The following KLRD1 variants were observed in gnomAD, a reference collection of about 807,000 sequenced individuals.
KLRD1 encodes the protein natural killer cells antigen CD94.
KLRD1 carries 21 observed loss-of-function variants against 22.6 expected under a neutral mutation model. The observed-to-expected ratio is 0.93, with a 90% CI of 0.66 to 1.34. The LOEUF (loss-of-function observed/expected upper bound fraction) is 1.34, where lower values mean the gene tolerates loss of function less well. Ranked by LOEUF, KLRD1 falls within the 40% of genes most tolerant of loss-of-function variation. The pLI is 0.00. For synonymous variants in KLRD1, 59 were observed against 71.1 expected, an observed-to-expected ratio of 0.83 and a Z score of 0.85; for missense variants, 183 against 208.6, an observed-to-expected ratio of 0.88 and a Z score of 0.76.
chr12:10,271,599 C>G (rs570531325), intron 1 of KLRD1, among the ~76,000 whole-genome samples: 1 of 152,026 alleles, frequency 6.6e-6, no homozygotes, highest in South Asian at 2.1e-4. Context: ...GTTATTTTTC[C>G]GTTCTGGATA....
At chr12:10,270,927 G>A (rs1006600604) in intron 1 of KLRD1, among the ~76,000 whole-genome samples, 2 of 151,956 alleles carry the variant, frequency 1.3e-5, no homozygotes, top group East Asian at 3.9e-4. Flanking sequence ...GAGATTACAG[G>A]TGCATACCAC....
chr12:10,290,049 T>C (rs1949752527), intron 1 of KLRD1, among the ~76,000 whole-genome samples: 1 of 152,224 alleles, frequency 6.6e-6, no homozygotes, highest in Non-Finnish European at 1.5e-5. Flanking sequence ...AGTGCTGGGA[T>C]TACAGGCGTG....
chr12:10,306,428 TAG>T (rs1249391966), upstream of KLRD1, among the ~76,000 whole-genome samples: 2 of 152,156 alleles, frequency 1.3e-5, no homozygotes, highest in Non-Finnish European at 2.9e-5. Context: ...TCTAAAAACT[TAG>T]AACCTCTAAC....
At chr12:10,239,550 T>TCTTG (rs1949220714) in intron 1 of KLRD1, among the ~76,000 whole-genome samples, 1 of 127,824 alleles carries the variant, frequency 7.8e-6, no homozygotes, top group African/African-American at 4.2e-5. Context: ...TTTCTTTCTT[T>TCTTG]CTTTCTTTCT....
At chr12:10,250,465 T>C (rs1949335992) in intron 1 of KLRD1, among the ~76,000 whole-genome samples, 1 of 152,048 alleles carries the variant, frequency 6.6e-6, no homozygotes, top group African/African-American at 2.4e-5. Context: ...TTCTTTTCTT[T>C]TCTTTTTTTG....
intron 5 of KLRD1, 97 bp downstream of exon 5, chr12:10,313,610 A>T (rs908236422): frequency 6.4e-6 from 4 of 627,370 alleles, no homozygotes; most frequent in Non-Finnish European, 5.5e-6. Flanking sequence ...TGGCTGAAAT[A>T]ACCTTGTCTA....
At chr12:10,251,646 G>A (rs774249470) in intron 1 of KLRD1, among the ~76,000 whole-genome samples, 37 of 151,782 alleles carry the variant, frequency 2.4e-4, no homozygotes, top group South Asian at 1.0e-3. Flanking sequence ...ACAACTCACC[G>A]TAATGTAGAA....
chr12:10,283,843 T>C (rs1002784149), intron 1 of KLRD1, among the ~76,000 whole-genome samples: 1 of 152,034 alleles, frequency 6.6e-6, no homozygotes, highest in Non-Finnish European at 1.5e-5. Context: ...CATAGAACCA[T>C]TATATTTTGG....
intron 1 of KLRD1, among the ~76,000 whole-genome samples, chr12:10,286,621 CA>C (rs1304161558): frequency 7.6e-6 from 1 of 131,054 alleles, no homozygotes; most frequent in African/African-American, 2.8e-5. Context: ...GTTTTGAATG[CA>C]AAATAGTCTT....
intron 1 of KLRD1, among the ~76,000 whole-genome samples, chr12:10,264,600 A>G (rs923812891): frequency 2.0e-5 from 3 of 151,968 alleles, no homozygotes; most frequent in South Asian, 2.1e-4. Flanking sequence ...AGGGTGTACA[A>G]TGTGGTATTT....
At position 10,268,292 on chromosome 12, in the gene KLRD1, A is replaced by G. The variant is rs556231603; in HGVS notation, c.-100-39686A>G. Among the ~76,000 whole-genome samples, 131 of 152,344 alleles carry G rather than the reference A, an allele frequency of 8.6e-4. 1 individual carries two copies. The highest frequency in any genetic ancestry group is 3.1e-3 in the African/African-American group (128 of 41,578). ...CGTCACCTCACTAGACATTCGGTCA[A>G]CAGATGCAGGGTAAGTTAACAGTAT... On this transcript the variant is annotated intron_variant, in intron 1 of 5. Transcript: ENST00000544747.
chr12:10,311,282 T>C (rs1323889807), intron 3 of KLRD1, among the ~76,000 whole-genome samples, 182 bp from the exon 4 acceptor site: 2 of 152,222 alleles, frequency 1.3e-5, no homozygotes, highest in Non-Finnish European at 2.9e-5. Flanking sequence ...ATAATCTCCA[T>C]GAGGAAAAAG....
At chr12:10,305,854 C>T (rs1039564091), upstream of KLRD1, among the ~76,000 whole-genome samples, 3 of 152,050 alleles carry the variant, frequency 2.0e-5, no homozygotes, top group Non-Finnish European at 2.9e-5. Context: ...CACCTGTCTA[C>T]GTACAAAAAT....
chr12:10,265,663 A>G (rs1405749149), intron 1 of KLRD1, among the ~76,000 whole-genome samples: 1 of 152,232 alleles, frequency 6.6e-6, no homozygotes, highest in Non-Finnish European at 1.5e-5. Flanking sequence ...AGGCTGAGGC[A>G]GGAGAATCAC....
intron 4 of KLRD1, 92 bp downstream of exon 4, chr12:10,311,707 A>T: frequency 1.7e-6 from 2 of 1,165,786 alleles, no homozygotes; most frequent in Non-Finnish European, 2.5e-6. Context: ...GTCATTAATC[A>T]CATAGTAAGT....
At chr12:10,255,448 G>A (rs1203148875) in intron 1 of KLRD1, among the ~76,000 whole-genome samples, 1 of 152,016 alleles carries the variant, frequency 6.6e-6, no homozygotes, top group African/African-American at 2.4e-5. Context: ...GTTGGTTTAA[G>A]ATGTTCTTTC....
chr12:10,265,535 T>C (rs1459697338), intron 1 of KLRD1, among the ~76,000 whole-genome samples: 1 of 152,202 alleles, frequency 6.6e-6, no homozygotes, highest in Non-Finnish European at 1.5e-5. Flanking sequence ...TGCGGGTGGA[T>C]CACCTGAAGT....
At chr12:10,255,852 C>T (rs571718576) in intron 1 of KLRD1, among the ~76,000 whole-genome samples, 23 of 152,128 alleles carry the variant, frequency 1.5e-4, no homozygotes, top group African/African-American at 5.3e-4. Flanking sequence ...TCCAGTTGGT[C>T]CATAGTGTTG....
At chr12:10,289,372 T>C (rs1049100528) in intron 1 of KLRD1, among the ~76,000 whole-genome samples, 9 of 152,250 alleles carry the variant, frequency 5.9e-5, no homozygotes, top group African/African-American at 2.2e-4. Flanking sequence ...TTAAGGACTC[T>C]AATTAAGAAA....
Sources: allele counts gnomAD v4.1 joint callset (sites outside exome capture counted in the v4.1 genomes callset), GRCh38; gene constraint gnomAD v4.1.1; transcripts MANE v1.5; gene names NCBI Gene and HGNC (gene_info 2026-07-23, HGNC 2026-07-21).